The following CLSTN2 variants were observed in gnomAD, a reference collection of about 807,000 sequenced individuals.
The protein encoded by CLSTN2 is calsyntenin 2.
Under a neutral mutation model 101.2 loss-of-function variants are expected in CLSTN2, and 48 were observed. That is an observed-to-expected ratio of 0.47 (90% CI 0.38 to 0.60). The LOEUF (loss-of-function observed/expected upper bound fraction) is 0.60, where lower values mean the gene tolerates loss of function less well. Ranked by LOEUF, CLSTN2 falls within the 20% of genes least tolerant of loss-of-function variation. The probability of loss-of-function intolerance (pLI) is 0.00; values close to 1 mark genes in which losing one functional copy is unlikely to be tolerated. For synonymous variants in CLSTN2, 481 were observed against 463.6 expected (o/e 1.04, Z -0.48); for missense variants, 1,160 against 1,238.2 (o/e 0.94, Z 0.95).
intron 10 of CLSTN2, among the ~76,000 whole-genome samples, chr3:140,554,414 T>C (rs1333438827): frequency 6.6e-6 from 1 of 152,166 alleles, no homozygotes; most frequent in Non-Finnish European, 1.5e-5. Flanking sequence ...TGAAAAGATA[T>C]ACTCAGATCC....
chr3:140,462,889 A>C (rs373427557), intron 7 of CLSTN2: 10 of 152,252 alleles, frequency 6.6e-5, no homozygotes, highest in African/African-American at 2.4e-4. Context: ...TATTGGCCAG[A>C]ATAGAAAGTA....
chr3:140,454,975 TC>T (rs11311503), intron 6 of CLSTN2, among the ~76,000 whole-genome samples: 13,932 of 152,080 alleles, frequency 0.092, 2,176 homozygotes, highest in African/African-American at 0.32. Flanking sequence ...CTCCCTCACT[TC>T]CCCTGAGATT....
chr3:140,547,655 G>A (rs1206291849), intron 10 of CLSTN2, among the ~76,000 whole-genome samples: 1 of 152,166 alleles, frequency 6.6e-6, no homozygotes, highest in African/African-American at 2.4e-5. Context: ...AGGGAGGGAT[G>A]TGACAGACTA....
At chr3:140,496,949 A>C (rs1022009785) in intron 8 of CLSTN2, among the ~76,000 whole-genome samples, 5 of 152,132 alleles carry the variant, frequency 3.3e-5, no homozygotes, top group Non-Finnish European at 7.4e-5. Flanking sequence ...AAAAATACAA[A>C]AATTAGCCGG....
intron 1 of CLSTN2, among the ~76,000 whole-genome samples, chr3:140,161,102 G>A (rs1048064342): frequency 1.3e-5 from 2 of 152,162 alleles, no homozygotes; most frequent in African/African-American, 4.8e-5. Context: ...GCAATTTTGG[G>A]ATGTATGCCT....
intron 2 of CLSTN2, among the ~76,000 whole-genome samples, chr3:140,346,499 G>A (rs2087547122): frequency 6.7e-6 from 1 of 150,288 alleles, no homozygotes; most frequent in African/African-American, 2.4e-5. Context: ...AGATCTTCCA[G>A]GCAGTGTTCC....
At chr3:139,966,762 T>A (rs777904649) in intron 1 of CLSTN2, among the ~76,000 whole-genome samples, 2 of 152,190 alleles carry the variant, frequency 1.3e-5, no homozygotes, top group Non-Finnish European at 2.9e-5. Context: ...GTTGATGGAC[T>A]GAGTGAAGGG....
At chr3:140,216,221 C>G (rs1351992461) in intron 2 of CLSTN2, among the ~76,000 whole-genome samples, 1 of 152,150 alleles carries the variant, frequency 6.6e-6, no homozygotes, top group Non-Finnish European at 1.5e-5. Context: ...GCCTCCCACC[C>G]CCATCCATGG....
chr3:140,138,815 A>G (rs187876976), intron 1 of CLSTN2, among the ~76,000 whole-genome samples: 2 of 152,272 alleles, frequency 1.3e-5, no homozygotes, highest in East Asian at 3.9e-4. Flanking sequence ...GCCCCTTTCT[A>G]GTGTTGAGCT....
intron 1 of CLSTN2, among the ~76,000 whole-genome samples, chr3:140,171,695 A>ATATT (rs1559797230): frequency 8.0e-5 from 9 of 112,346 alleles, no homozygotes; most frequent in East Asian, 7.0e-4. Flanking sequence ...AATATATATT[A>ATATT]ATATATAATA....
At chr3:140,062,133 G>A (rs1378935475) in intron 1 of CLSTN2, among the ~76,000 whole-genome samples, 1 of 152,124 alleles carries the variant, frequency 6.6e-6, no homozygotes, top group Admixed American at 6.6e-5. Context: ...GGGAAGGCCA[G>A]GAGAGTGGTG....
chr3:140,539,859 A>G (rs975799246), intron 9 of CLSTN2, among the ~76,000 whole-genome samples: 2 of 152,160 alleles, frequency 1.3e-5, no homozygotes, highest in African/African-American at 4.8e-5. Context: ...GCCCCTATGT[A>G]TACTGCTGGA....
intron 1 of CLSTN2, among the ~76,000 whole-genome samples, chr3:140,021,802 T>A (rs74430705): frequency 0.043 from 6,508 of 152,306 alleles, 176 homozygotes; most frequent in Non-Finnish European, 0.064. Flanking sequence ...ATGACAGGAC[T>A]ACCCTATAAG....
intron 1 of CLSTN2, among the ~76,000 whole-genome samples, chr3:140,081,412 G>A (rs2008597231): frequency 1.3e-5 from 2 of 152,202 alleles, no homozygotes; most frequent in South Asian, 2.1e-4. Flanking sequence ...TGCGTGAAAA[G>A]TTAAACACTT....
At chr3:140,534,821 T>C (rs937040690) in intron 9 of CLSTN2, among the ~76,000 whole-genome samples, 1 of 152,234 alleles carries the variant, frequency 6.6e-6, no homozygotes, top group Non-Finnish European at 1.5e-5. Flanking sequence ...GTATTAACAT[T>C]GATGAACACC....
intron 1 of CLSTN2, among the ~76,000 whole-genome samples, chr3:140,055,894 C>G (rs959536937): frequency 5.9e-5 from 9 of 152,204 alleles, no homozygotes; most frequent in Middle Eastern, 3.2e-3. Context: ...ATATAAGATG[C>G]ATCTACATGA....
intron 1 of CLSTN2, among the ~76,000 whole-genome samples, chr3:139,947,551 A>AT (rs1470354005): frequency 1.3e-5 from 2 of 152,194 alleles, no homozygotes; most frequent in African/African-American, 4.8e-5. Context: ...TGATGCTTTT[A>AT]TTTGTGGGAG....
At chr3:140,374,998 T>C (rs1458453822) in intron 2 of CLSTN2, among the ~76,000 whole-genome samples, 5 of 152,248 alleles carry the variant, frequency 3.3e-5, no homozygotes, top group Non-Finnish European at 7.3e-5. Flanking sequence ...GCCTTCTCCC[T>C]TCCTTTGCTC....
chr3:140,150,212 G>A (rs1019180512), intron 1 of CLSTN2, among the ~76,000 whole-genome samples: 4 of 152,178 alleles, frequency 2.6e-5, no homozygotes, highest in African/African-American at 9.7e-5. Flanking sequence ...CTAGGTGAAG[G>A]GACACAGTGA....
Sources: gnomAD v4.1 joint callset for allele counts (sites outside exome capture counted in the v4.1 genomes callset) on GRCh38, gnomAD v4.1.1 for gene constraint, MANE v1.5 for transcripts, NCBI Gene and HGNC (gene_info 2026-07-23, HGNC 2026-07-21) for gene names.